The following GABRG3 variants were observed in gnomAD, a reference collection of about 807,000 sequenced individuals.
The protein encoded by GABRG3 is gamma-aminobutyric acid receptor subunit gamma-3.
In GABRG3, 25 loss-of-function variants were observed where a neutral mutation model predicts 48.8. That is an observed-to-expected ratio of 0.51 (90% CI 0.37 to 0.72). The LOEUF is 0.72. Among genes scored for constraint, GABRG3 ranks in the 30% least tolerant of loss-of-function variants. GABRG3 has a pLI of 0.00. For synonymous variants in GABRG3, 227 were observed against 217.6 expected, an observed-to-expected ratio of 1.04 and a Z score of -0.38; for missense variants, 394 against 577.9, an observed-to-expected ratio of 0.68 and a Z score of 3.26.
At chr15:27,137,571 G>GCATA (rs1898031884) in intron 3 of GABRG3, among the ~76,000 whole-genome samples, 1 of 152,086 alleles carries the variant, frequency 6.6e-6, no homozygotes. Flanking sequence ...CACACACCCT[G>GCATA]CATACATACT....
chr15:27,260,678 A>G (rs552449103), intron 3 of GABRG3, among the ~76,000 whole-genome samples: 1 of 152,302 alleles, frequency 6.6e-6, no homozygotes, highest in East Asian at 1.9e-4. Context: ...CTGAGGGATG[A>G]TTGTATGTTC....
chr15:27,005,287 G>T (rs1209733160), intron 2 of GABRG3, among the ~76,000 whole-genome samples: 1 of 151,944 alleles, frequency 6.6e-6, no homozygotes, highest in Non-Finnish European at 1.5e-5. Context: ...TGCAACCTCC[G>T]CCTCCCGGGT....
chr15:27,130,075 A>G (rs564661702), intron 3 of GABRG3, among the ~76,000 whole-genome samples: 2 of 152,014 alleles, frequency 1.3e-5, no homozygotes, highest in South Asian at 2.1e-4. Context: ...CAGTTTATCT[A>G]TTTTTTTCTT....
At chr15:27,097,988 GAA>G (rs576929265) in intron 3 of GABRG3, among the ~76,000 whole-genome samples, 1 of 130,752 alleles carries the variant, frequency 7.6e-6, no homozygotes, top group Non-Finnish European at 1.7e-5. Context: ...GGAATTAAAA[GAA>G]AAAAAAAAAG....
intron 5 of GABRG3, among the ~76,000 whole-genome samples, chr15:27,465,084 C>T (rs1439366345): frequency 6.6e-6 from 1 of 152,176 alleles, no homozygotes; most frequent in East Asian, 1.9e-4. Context: ...GCACAGAGCC[C>T]GTGAATGTTT....
chr15:27,159,411 G>A (rs1193501737), intron 3 of GABRG3, among the ~76,000 whole-genome samples: 1 of 151,926 alleles, frequency 6.6e-6, no homozygotes, highest in African/African-American at 2.4e-5. Flanking sequence ...GAACCTGGGA[G>A]GTGGAGATTG....
chr15:27,127,448 G>C (rs544884279), intron 3 of GABRG3, among the ~76,000 whole-genome samples: 1 of 124,344 alleles, frequency 8.0e-6, no homozygotes, highest in Admixed American at 9.3e-5. Flanking sequence ...ACTGAGGGGT[G>C]GGGGGTGGGA....
At chr15:27,043,584 G>A (rs1028970130) in intron 3 of GABRG3, among the ~76,000 whole-genome samples, 1 of 152,114 alleles carries the variant, frequency 6.6e-6, no homozygotes, top group Non-Finnish European at 1.5e-5. Context: ...GCTTCCTTCC[G>A]CCCTTTTCTG....
At chr15:27,061,095 G>A (rs1896635829) in intron 3 of GABRG3, among the ~76,000 whole-genome samples, 1 of 152,238 alleles carries the variant, frequency 6.6e-6, no homozygotes, top group South Asian at 2.1e-4. Flanking sequence ...TGAGGCAATT[G>A]CCATTGCTTA....
At chr15:27,279,479 A>G (rs1459889386) in intron 3 of GABRG3, among the ~76,000 whole-genome samples, 1 of 152,016 alleles carries the variant, frequency 6.6e-6, no homozygotes, top group African/African-American at 2.4e-5. Flanking sequence ...TTTTTTCCCT[A>G]TGGATATCCA....
intron 3 of GABRG3, among the ~76,000 whole-genome samples, chr15:27,292,899 C>T (rs548852405): frequency 2.6e-5 from 4 of 152,214 alleles, no homozygotes; most frequent in South Asian, 2.1e-4. Flanking sequence ...ATCTGCTGAT[C>T]GTGGGTAGAC....
At chr15:27,207,263 G>A (rs532125324) in intron 3 of GABRG3, among the ~76,000 whole-genome samples, 1 of 152,298 alleles carries the variant, frequency 6.6e-6, no homozygotes, top group East Asian at 1.9e-4. Flanking sequence ...TTTTGCAAAT[G>A]ATGGGGTTTT....
intron 5 of GABRG3, among the ~76,000 whole-genome samples, chr15:27,341,554 T>A (rs1894179430): frequency 6.6e-6 from 1 of 152,090 alleles, no homozygotes; most frequent in Non-Finnish European, 1.5e-5. Flanking sequence ...TTACCTTGAC[T>A]TTGAAGTCCC....
At chr15:27,315,940 A>G (rs111871277) in intron 3 of GABRG3, among the ~76,000 whole-genome samples, 1 of 152,282 alleles carries the variant, frequency 6.6e-6, no homozygotes, top group African/African-American at 2.4e-5. Context: ...AGCATTCCAC[A>G]TTATAATCAT....
intron 3 of GABRG3, among the ~76,000 whole-genome samples, chr15:27,256,365 C>T (rs1264998426): frequency 4.0e-5 from 6 of 150,614 alleles, no homozygotes; most frequent in South Asian, 2.1e-4. Context: ...GGCGTGAACC[C>T]GGGAGGCAGT....
chr15:27,463,102 T>G (rs1245937965), intron 5 of GABRG3, among the ~76,000 whole-genome samples: 1 of 152,160 alleles, frequency 6.6e-6, no homozygotes, highest in African/African-American at 2.4e-5. Flanking sequence ...AATTAATATA[T>G]GTTTTGAAGT....
At chr15:27,358,238 C>T (rs561356772) in intron 5 of GABRG3, among the ~76,000 whole-genome samples, 1 of 152,280 alleles carries the variant, frequency 6.6e-6, no homozygotes, top group South Asian at 2.1e-4. Flanking sequence ...ACACCCCAGT[C>T]TGAAAATAAC....
At chr15:27,062,007 C>T (rs1896655250) in intron 3 of GABRG3, among the ~76,000 whole-genome samples, 1 of 152,178 alleles carries the variant, frequency 6.6e-6, no homozygotes, top group South Asian at 2.1e-4. Context: ...TCCACTGACC[C>T]TATACTTTGC....
chr15:27,115,804 T>C (rs117959595), intron 3 of GABRG3, among the ~76,000 whole-genome samples: 1,849 of 152,316 alleles, frequency 0.012, 20 homozygotes, highest in Middle Eastern at 0.027. Flanking sequence ...AATTTTCAAT[T>C]TTCAAATCAA....
Sources: allele counts gnomAD v4.1 joint callset (sites outside exome capture counted in the v4.1 genomes callset), GRCh38; gene constraint gnomAD v4.1.1; transcripts MANE v1.5; gene names NCBI Gene and HGNC (gene_info 2026-07-23, HGNC 2026-07-21).